Variants in LACTB observed in about 807,000 individuals in gnomAD.
The protein encoded by LACTB is serine beta-lactamase-like protein LACTB, mitochondrial.
In LACTB, 35 loss-of-function variants were observed where a neutral mutation model predicts 50.2. The ratio of observed to expected loss-of-function variants is 0.70; its 90% CI spans 0.53 to 0.92. LACTB has a LOEUF of 0.92. LACTB is among the 40% of genes least tolerant of loss of function. The probability of loss-of-function intolerance (pLI) is 0.00; values close to 1 mark genes in which losing one functional copy is unlikely to be tolerated. For missense variants in LACTB, 664 were observed against 691.8 expected (o/e 0.96, Z 0.45); for synonymous variants, 252 against 268.2 (o/e 0.94, Z 0.59).
chr15:63,139,568 A>C (rs1290812680), intron 5 of LACTB, among the ~76,000 whole-genome samples: 2 of 151,958 alleles, frequency 1.3e-5, no homozygotes, highest in African/African-American at 4.8e-5. Context: ...CAGGAGAATC[A>C]CTTGAACCCG....
intron 5 of LACTB, among the ~76,000 whole-genome samples, chr15:63,140,199 A>C (rs80010709): frequency 1.3e-5 from 2 of 152,202 alleles, no homozygotes; most frequent in African/African-American, 4.8e-5. Context: ...TGGAATTACA[A>C]ATATAATCAG....
In LACTB at chr15:63,141,336, C is replaced by T. The variant is rs1457182235; in HGVS notation, c.1175C>T (p.Ser392Phe). ...GTCAACACACCTTACGTGGATAACT[C>T]CTATAAATGGGCTGGTGGTGGATTT... Reference protein sequence around the residue: ...RLVNTPYVDNSYKWAGGGFLS... With the variant: ...RLVNTPYVDNFYKWAGGGFLS... The change falls in exon 6 of 6, where the codon TCC becomes TTC. Residue 392 changes from serine to phenylalanine, a missense_variant. Coordinates refer to ENST00000261893, the MANE Select transcript of LACTB (RefSeq NM_032857.5). 1 of 1,614,146 alleles carries T rather than the reference C, an allele frequency of 6.2e-7. No individual in the cohort carries two copies.
Position 63,126,284 on chromosome 15 carries a change from G to A in LACTB, c.425-575G>A, listed in dbSNP as rs529177363. Among the ~76,000 whole-genome samples, 356 of 152,182 alleles carry A rather than the reference G, an allele frequency of 2.3e-3. 1 individual carries two copies. Among genetic ancestry groups the A allele is most frequent in the African/African-American group, 8.3e-3 (345 of 41,492 alleles). On this transcript the variant is annotated intron_variant, in intron 2 of 5. Coordinates refer to ENST00000261893, the MANE Select transcript of LACTB (RefSeq NM_032857.5). ...AGCCTCCCGAGTAGCTGGGATTACA[G>A]GCACACGCCACCATGACTGGCCAAT...
intron 5 of LACTB, among the ~76,000 whole-genome samples, chr15:63,140,413 A>C (rs1353864301): frequency 6.6e-6 from 1 of 152,212 alleles, no homozygotes; most frequent in Non-Finnish European, 1.5e-5. Context: ...GTTGATTTTG[A>C]GACAATGAGA....
At chr15:63,124,090 G>A (rs964143320) in intron 2 of LACTB, among the ~76,000 whole-genome samples, 4 of 152,176 alleles carry the variant, frequency 2.6e-5, no homozygotes, top group African/African-American at 7.2e-5. Flanking sequence ...GGCAACGGGC[G>A]TCTTCCTAGA....
In LACTB at chr15:63,134,812, A is replaced by ATGTGTGTGTGTG. The variant is rs59941185; in HGVS notation, c.1118+5178_1118+5189dup. Among the ~76,000 whole-genome samples the ATGTGTGTGTGTG allele has an allele frequency of 1.7e-3, 247 of 148,610 alleles. 1 individual carries two copies. The highest frequency in any genetic ancestry group is 4.4e-3 in the African/African-American group (180 of 40,492). ...TTTAGAAGGGTGTGATGTGTGTGTG[A>ATGTGTGTGTGTG]TGTGTGTGTGTGTGTGTGTGTGTGT... On this transcript the variant is annotated intron_variant, in intron 5 of 5. Coordinates refer to ENST00000261893, the MANE Select transcript of LACTB (RefSeq NM_032857.5).
At chr15:63,133,777 G>A (rs1055547140) in intron 5 of LACTB, among the ~76,000 whole-genome samples, 1 of 152,130 alleles carries the variant, frequency 6.6e-6, no homozygotes, top group East Asian at 1.9e-4. Context: ...AACACACATG[G>A]AAGTATTGAA....
At chr15:63,122,504 C>A in intron 1 of LACTB, 132 bp from the exon 2 acceptor site, 1 of 798,474 alleles carries the variant, frequency 1.3e-6, no homozygotes, top group Non-Finnish European at 2.2e-6. Context: ...TGGCCTGGGA[C>A]GAGGTGGGCG....
chr15:63,141,192 A>G (rs748067761), intron 5 of LACTB, 88 bp from the exon 6 acceptor site: 3 of 1,464,164 alleles, frequency 2.0e-6, no homozygotes, highest in East Asian at 2.4e-5. Flanking sequence ...ATTGAAATAC[A>G]ATCTCTCTCA....
chr15:63,122,571 C>G, intron 1 of LACTB, 65 bp from the exon 2 acceptor site: 1 of 1,325,340 alleles, frequency 7.5e-7, no homozygotes, highest in Non-Finnish European at 1.1e-6. Flanking sequence ...TGGAAGGTCC[C>G]CGAGGAGAGC....
chr15:63,122,552 G>A, intron 1 of LACTB, 84 bp from the exon 2 acceptor site: 2 of 1,076,790 alleles, frequency 1.9e-6, no homozygotes, highest in South Asian at 2.5e-5. Flanking sequence ...GGCTCAGGGG[G>A]CGGGGCCTTG....
rs754149150 is a variant in LACTB, at chr15:63,122,509, TGGGCGGGGCCCAGGTGGAGG to T, written c.358-112_358-93del. ...TGAGTGACCATGGCCTGGGACGAGG[TGGGCGGGGCCCAGGTGGAGG>T]GGGCGGGGCCCAGGCTCAGGGGGCG... is the stretch of plus-strand genomic sequence containing the variant. On this transcript the variant is annotated intron_variant, in intron 1 of 5. Transcript: ENST00000261893. 5.3e-3 allele frequency: 4,309 copies of T among 812,846 alleles called. 19 individuals carry two copies. Among genetic ancestry groups the T allele is most frequent in the Middle Eastern group, 7.1e-3 (22 of 3,090 alleles). 50.4% of individuals were successfully genotyped at this position (812,846 alleles called of 1,614,324 possible).
At position 63,127,439 on chromosome 15, in the gene LACTB, A is replaced by G. The variant is rs747063165; in HGVS notation, c.702A>G (p.Lys234=). The G allele has an allele frequency of 2.3e-5, 37 of 1,606,182 alleles. No individual in the cohort carries two copies. The East Asian group carries it at 7.8e-4, about 34-fold the overall frequency. The change falls in exon 4 of 6, where the codon AAA becomes AAG. Residue 234 remains lysine (K), a synonymous_variant. Transcript: ENST00000261893. ...ACATAAAAAAGGTGAAAGAAGAGAAAGCTTATAAAGCCTTGAAGATGATGA... is the reference window on the plus strand; with the variant it reads ...ACATAAAAAAGGTGAAAGAAGAGAAGGCTTATAAAGCCTTGAAGATGATGA... ...EKDIKKVKEE[K]AYKALKMMKE... is the part of the protein sequence containing the mutation.
At chr15:63,126,122 A>G (rs1293962838) in intron 2 of LACTB, 1 of 152,140 alleles carries the variant, frequency 6.6e-6, no homozygotes, top group Non-Finnish European at 1.5e-5. Context: ...ATTGATGGTT[A>G]GCTAGATTTG....
Position 63,121,909 on chromosome 15 carries a change from C to T in LACTB, c.38C>T (p.Ala13Val), listed in dbSNP as rs1215464278. 2.8e-6 allele frequency: 4 copies of T among 1,418,820 alleles called. No individual in the cohort carries two copies. Among genetic ancestry groups the T allele is most frequent in the Admixed American group, 2.7e-5 (1 of 36,492 alleles). 87.9% of individuals were successfully genotyped at this position (1,418,820 alleles called of 1,614,324 possible). ...ATGTCAGCAGTGACTGCCCGGGCTG[C>T]CGCCCCCGGGGGCTTGGCCTCAAGC... is the stretch of plus-strand genomic sequence containing the variant. ...RLMSAVTARA[A>V]APGGLASSCG... is the part of the protein sequence containing the mutation. Residue 13 changes from alanine (A) to valine (V), a missense_variant, in exon 1 of 6, where the codon GCC becomes GTC. Coordinates refer to ENST00000261893, the MANE Select transcript of LACTB (RefSeq NM_032857.5).
chr15:63,124,503 T>C (rs10851724), intron 2 of LACTB, among the ~76,000 whole-genome samples: 1 of 152,080 alleles, frequency 6.6e-6, no homozygotes, highest in African/African-American at 2.4e-5. Context: ...AGAGGTGTCA[T>C]CTATTTTTTT....
chr15:63,135,277 G>T (rs557922971), intron 5 of LACTB, among the ~76,000 whole-genome samples: 2 of 152,224 alleles, frequency 1.3e-5, no homozygotes, highest in South Asian at 4.1e-4. Flanking sequence ...TATTTAAAAG[G>T]ATTAAATATG....
intron 4 of LACTB, among the ~76,000 whole-genome samples, chr15:63,129,045 A>G (rs966508621): frequency 1.3e-5 from 2 of 152,186 alleles, no homozygotes; most frequent in African/African-American, 4.8e-5. Flanking sequence ...CCTGACCCAT[A>G]TATTTTATTA....
At chr15:63,125,179 A>AT (rs10625255) in intron 2 of LACTB, among the ~76,000 whole-genome samples, 23,523 of 147,818 alleles carry the variant, frequency 0.16, 2,456 homozygotes, top group East Asian at 0.45. Flanking sequence ...TTATTTATTT[A>AT]TTTTTTTTTT....
Sources: gnomAD v4.1 joint callset for allele counts (sites outside exome capture counted in the v4.1 genomes callset) on GRCh38, gnomAD v4.1.1 for gene constraint, MANE v1.5 for transcripts, NCBI Gene and HGNC (gene_info 2026-07-23, HGNC 2026-07-21) for gene names.